PCDH7: variants seen among roughly 807,000 people sequenced by gnomAD.
PCDH7 encodes protocadherin-7.
PCDH7 carries 17 observed loss-of-function variants against 58.9 expected under a neutral mutation model. The ratio of observed to expected loss-of-function variants is 0.29; its 90% CI spans 0.20 to 0.43. The LOEUF is 0.43. Ranked by LOEUF, PCDH7 falls within the 20% of genes least tolerant of loss-of-function variation. The pLI is 1.00. For missense variants in PCDH7, 1,274 were observed against 1,441.0 expected (o/e 0.88, Z 1.88); for synonymous variants, 664 against 616.4 (o/e 1.08, Z -1.14).
intron 1 of PCDH7, among the ~76,000 whole-genome samples, chr4:30,902,690 AG>A (rs1341907789): frequency 1.3e-5 from 2 of 152,134 alleles, no homozygotes; most frequent in African/African-American, 2.4e-5. Flanking sequence ...TGGAAAAAAA[AG>A]AGACTTGAAA....
chr4:31,023,243 A>C (rs1193438958), intron 3 of PCDH7, among the ~76,000 whole-genome samples: 1 of 152,210 alleles, frequency 6.6e-6, no homozygotes, highest in Non-Finnish European at 1.5e-5. Context: ...TATTGGCAAC[A>C]CCAGAATCGC....
intron 2 of PCDH7, among the ~76,000 whole-genome samples, chr4:30,941,468 A>G (rs919987988): frequency 2.0e-5 from 3 of 151,970 alleles, no homozygotes; most frequent in Admixed American, 6.6e-5. Flanking sequence ...GTAGATTATT[A>G]CATTTATGTG....
At chr4:30,734,107 G>C (rs1715905824), downstream of PCDH7, among the ~76,000 whole-genome samples, 1 of 151,586 alleles carries the variant, frequency 6.6e-6, no homozygotes, top group Non-Finnish European at 1.5e-5. Flanking sequence ...AAGTCTTTTG[G>C]GAGCAATTCC....
intron 3 of PCDH7, among the ~76,000 whole-genome samples, chr4:31,017,530 A>G (rs1753713711): frequency 6.6e-6 from 1 of 152,160 alleles, no homozygotes; most frequent in African/African-American, 2.4e-5. Context: ...AAGTAGAATA[A>G]TCTTTTATTT....
chr4:30,753,143 C>G (rs1718793516), intron 1 of PCDH7, among the ~76,000 whole-genome samples: 1 of 151,966 alleles, frequency 6.6e-6, no homozygotes, highest in Non-Finnish European at 1.5e-5. Flanking sequence ...CCTGGGAGAC[C>G]CTTTAAGTCG....
chr4:30,921,596 G>T (rs1044655459), intron 2 of PCDH7, among the ~76,000 whole-genome samples: 2 of 152,070 alleles, frequency 1.3e-5, no homozygotes, highest in African/African-American at 2.4e-5. Context: ...AGGGTCTGAT[G>T]ATTGACGTCC....
At chr4:31,049,129 C>T (rs1756537016) in intron 3 of PCDH7, among the ~76,000 whole-genome samples, 1 of 152,020 alleles carries the variant, frequency 6.6e-6, no homozygotes, top group Non-Finnish European at 1.5e-5. Context: ...AGGTATATCT[C>T]CTAATGCTAT....
intron 3 of PCDH7, among the ~76,000 whole-genome samples, chr4:31,093,752 A>G (rs1219400078): frequency 6.6e-6 from 1 of 152,254 alleles, no homozygotes; most frequent in African/African-American, 2.4e-5. Flanking sequence ...TGGAGAAGTT[A>G]TACGTTGAAA....
intron 1 of PCDH7, among the ~76,000 whole-genome samples, chr4:30,888,118 C>T (rs538156389): frequency 9.9e-5 from 15 of 152,226 alleles, no homozygotes; most frequent in Non-Finnish European, 2.1e-4. Context: ...TCATTATCTG[C>T]CCACCTCTGC....
At chr4:30,783,281 C>T (rs1723018611) in intron 1 of PCDH7, 1 of 152,060 alleles carries the variant, frequency 6.6e-6, no homozygotes, top group African/African-American at 2.4e-5. Flanking sequence ...TGCATTTATG[C>T]TCTAAAAATT....
At chr4:30,816,436 C>T (rs1435859398) in intron 1 of PCDH7, among the ~76,000 whole-genome samples, 2 of 152,144 alleles carry the variant, frequency 1.3e-5, no homozygotes, top group Non-Finnish European at 2.9e-5. Flanking sequence ...CAACTTTTGA[C>T]ACTGACCTTT....
Position 31,072,324 on chromosome 4 carries a change from G to T in PCDH7, c.*8-70149G>T, listed in dbSNP as rs41529648. On this transcript the variant is annotated intron_variant, in intron 3 of 3. Transcript: ENST00000509759. ...TGTAGTCATGCATATATCTAGAGGA[G>T]AGTGGTATAAATAAGATCATATATG... Among the ~76,000 whole-genome samples, 1,400 of 152,176 alleles carry T rather than the reference G, an allele frequency of 9.2e-3. 35 individuals are homozygous for T. The highest frequency in any genetic ancestry group is 0.033 in the African/African-American group (1,351 of 41,544).
Position 30,900,209 on chromosome 4 carries a change from G to C in PCDH7, c.71-19944G>C, listed in dbSNP as rs78109423. On this transcript the variant is annotated intron_variant, in intron 1 of 3. Coordinates refer to the PCDH7 transcript ENST00000509759. ...AGAGATTAGGAAACTGAAGTTTAGA[G>C]GGGTTGTCTTATATCATAGAGCAAA... Among the ~76,000 whole-genome samples, 994 of 152,250 alleles carry C rather than the reference G, an allele frequency of 6.5e-3. 10 individuals carry two copies. The highest frequency in any genetic ancestry group is 0.022 in the African/African-American group (928 of 41,542).
intron 3 of PCDH7, among the ~76,000 whole-genome samples, chr4:31,039,508 T>G (rs1461697742): frequency 6.6e-6 from 1 of 152,108 alleles, no homozygotes; most frequent in African/African-American, 2.4e-5. Context: ...ACGATCCTCC[T>G]TCCTCAGCCT....
intron 3 of PCDH7, among the ~76,000 whole-genome samples, chr4:31,027,030 A>T (rs1754492750): frequency 6.6e-6 from 1 of 152,196 alleles, no homozygotes; most frequent in Non-Finnish European, 1.5e-5. Flanking sequence ...AATCTAATGC[A>T]ATTATAACAC....
chr4:30,776,206 G>A (rs1039368734), intron 1 of PCDH7: 9 of 152,192 alleles, frequency 5.9e-5, no homozygotes, highest in African/African-American at 2.2e-4. Context: ...AAACTAATCA[G>A]AGGTGTACCA....
At chr4:31,119,708 G>A (rs1277114847) in intron 3 of PCDH7, among the ~76,000 whole-genome samples, 2 of 152,144 alleles carry the variant, frequency 1.3e-5, no homozygotes, top group Admixed American at 1.3e-4. Context: ...TTCTTTCAGT[G>A]TGGGTTATCC....
In PCDH7 at chr4:30,924,621, G is replaced by A. The variant is rs193069900; in HGVS notation, c.287+4252G>A. 1.2e-3 allele frequency among the ~76,000 whole-genome samples: 183 copies of A among 152,130 alleles called. 2 individuals carry two copies. Among genetic ancestry groups the A allele is most frequent in the Non-Finnish European group, 2.1e-4 (14 of 67,994 alleles). ...TCTGGCCAGGTGGGTGGAAATGTTG[G>A]CACCATAGTAGGCCAGTGTGGGAGA... On this transcript the variant is annotated intron_variant, in intron 2 of 3. Transcript: ENST00000509759.
chr4:31,061,657 G>C (rs554127689), intron 3 of PCDH7, among the ~76,000 whole-genome samples: 3 of 151,774 alleles, frequency 2.0e-5, no homozygotes, highest in Admixed American at 2.0e-4. Context: ...AACAAAAGAG[G>C]CTTAAAAGTC....
Sources: gnomAD v4.1 joint callset for allele counts (sites outside exome capture counted in the v4.1 genomes callset) on GRCh38, gnomAD v4.1.1 for gene constraint, MANE v1.5 for transcripts, NCBI Gene and HGNC (gene_info 2026-07-23, HGNC 2026-07-21) for gene names.